TNS1: variants seen among roughly 807,000 people sequenced by gnomAD.
TNS1 encodes tensin 1.
Under a neutral mutation model 168.6 loss-of-function variants are expected in TNS1, and 62 were observed. The observed-to-expected ratio is 0.37, with a 90% CI of 0.30 to 0.45. The LOEUF is 0.45. Among genes scored for constraint, TNS1 ranks in the 20% least tolerant of loss-of-function variants. TNS1 has a pLI of 1.00. For synonymous variants in TNS1, 934 were observed against 933.2 expected, an observed-to-expected ratio of 1.00 and a Z score of -0.02; for missense variants, 2,240 against 2,339.4, an observed-to-expected ratio of 0.96 and a Z score of 0.88.
chr2:217,858,342 C>T (rs1346558752), intron 18 of TNS1: 6 of 186,760 alleles, frequency 3.2e-5, no homozygotes. Flanking sequence ...CACAGCCCCA[C>T]TCAGCCACAA....
intron 3 of TNS1, among the ~76,000 whole-genome samples, chr2:217,957,327 A>G (rs3791888): frequency 0.15 from 23,122 of 151,598 alleles, 2,473 homozygotes; most frequent in African/African-American, 0.29. Context: ...AAGGTGCCGC[A>G]CTCCTCCCAC....
At chr2:217,805,502 CA>C in intron 32 of TNS1, among the ~76,000 whole-genome samples, 1 of 121,708 alleles carries the variant, frequency 8.2e-6, no homozygotes, top group African/African-American at 3.2e-5. Context: ...ACACCACACA[CA>C]CCACCACACA....
In TNS1 at chr2:217,809,895, G is replaced by T; in HGVS notation, c.5201C>A (p.Pro1734His). Residue 1734 changes from proline (P) to histidine (H), a missense_variant, in exon 30 of 33, where the codon CCC becomes CAC. Physicochemically the swap from Pro to His is moderately conservative, Grantham distance 77. Transcript: ENST00000682258. ...GTGAACGATGGTGGCAGCTGGCGTGGGGTCTGCAGCCAACGTCTCAGATGT... is the reference window on the plus strand; with the variant it reads ...GTGAACGATGGTGGCAGCTGGCGTGTGGTCTGCAGCCAACGTCTCAGATGT... ...KATSETLAADPTPAATIVHFK... is the reference protein window; with the variant it reads ...KATSETLAADHTPAATIVHFK... 6.2e-7 allele frequency: 1 copy of T among 1,613,742 alleles called. No individual in the cohort carries two copies. Among genetic ancestry groups the T allele is most frequent in the Non-Finnish European group, 8.5e-7 (1 of 1,179,686 alleles).
At chr2:217,834,305 C>CCCTG (rs1221236836) in intron 21 of TNS1, among the ~76,000 whole-genome samples, 1 of 152,228 alleles carries the variant, frequency 6.6e-6, no homozygotes, top group East Asian at 1.9e-4. Context: ...ATAGCTTGAG[C>CCCTG]CAGGCCCAGC....
Position 217,835,116 on chromosome 2 carries a change from G to C in TNS1, c.3255C>G (p.Ser1085=). The change falls in exon 21 of 33, where the codon TCC becomes TCG. Residue 1085 remains serine (S), a synonymous_variant. Transcript: ENST00000682258. ...CCCCACTGGGTGGTGGGCTGCTCGG[G>C]GAGGTTCCCTCCATCTCCTCGAAGG... ...KEAFEEMEGT[S]PSSPPPSGVR... The C allele has an allele frequency of 6.3e-7, 1 of 1,589,890 alleles. No individual in the cohort carries two copies. The highest frequency in any genetic ancestry group is 8.5e-7 in the Non-Finnish European group (1 of 1,171,404).
At chr2:217,832,482 A>G (rs1314202036) in intron 21 of TNS1, among the ~76,000 whole-genome samples, 1 of 152,292 alleles carries the variant, frequency 6.6e-6, no homozygotes, top group East Asian at 1.9e-4. Flanking sequence ...TGTGTCTCCT[A>G]TCAACGACAT....
intron 18 of TNS1, among the ~76,000 whole-genome samples, chr2:217,853,712 CT>C (rs1441272114): frequency 2.0e-5 from 3 of 152,206 alleles, no homozygotes; most frequent in Non-Finnish European, 4.4e-5. Flanking sequence ...ACCCTCGATG[CT>C]GAGCTTGATT....
In TNS1 at chr2:217,836,081, AG is replaced by A; in HGVS notation, c.3137del (p.Pro1046LeufsTer65). The A allele has an allele frequency of 1.2e-6, 2 of 1,614,056 alleles. No individual in the cohort carries two copies. Among genetic ancestry groups the A allele is most frequent in the Non-Finnish European group, 1.7e-6 (2 of 1,179,964 alleles). ...TSPRSPGVRSPVQCVSPELAL... is the reference protein window; with the variant it reads ...TSPRSPGVRSXVQCVSPELAL... Reference sequence around the variant, plus strand: ...CCAGCTCCGGGGAGACACACTGGACAGGGGAGCGAACCCCAGGGCTACGAGG... The same window carrying A: ...CCAGCTCCGGGGAGACACACTGGACAGGGAGCGAACCCCAGGGCTACGAGG... On this transcript the variant is annotated frameshift_variant, in exon 20 of 33. Coordinates refer to ENST00000682258, the MANE Select transcript of TNS1 (RefSeq NM_001387777.1). LOFTEE classifies it high-confidence loss of function.
intron 1 of TNS1, among the ~76,000 whole-genome samples, chr2:218,031,053 CATATGTGTGAGT>C (rs1958888783): frequency 2.8e-5 from 4 of 145,314 alleles, no homozygotes; most frequent in Non-Finnish European, 3.0e-5. Flanking sequence ...AGCATGTGAG[CATATGTGTGAGT>C]GTATGTGTGT....
chr2:217,905,886 A>G (rs1953622494), intron 6 of TNS1, among the ~76,000 whole-genome samples: 1 of 152,182 alleles, frequency 6.6e-6, no homozygotes, highest in Non-Finnish European at 1.5e-5. Flanking sequence ...CTGAACCAAT[A>G]GCATCTAAGC....
At position 217,813,616 on chromosome 2, in the gene TNS1, C is replaced by T; in HGVS notation, c.4861+69G>A. 6.5e-7 allele frequency: 1 copy of T among 1,537,838 alleles called. No individual in the cohort carries two copies. Among genetic ancestry groups the T allele is most frequent in the Non-Finnish European group, 8.8e-7 (1 of 1,142,644 alleles). ...TCCTGCCCAGCACCCTGGGTCCCTC[C>T]AGCACCTCCAGGTTTAGCGACTGTA... On this transcript the variant is annotated intron_variant, in intron 26 of 32. Transcript: ENST00000682258. The surrounding 1 kb of genome is among the most constrained non-coding windows in gnomAD (Gnocchi z 4.0).
At chr2:217,899,620 G>A (rs1952714261) in intron 7 of TNS1, among the ~76,000 whole-genome samples, 3 of 152,216 alleles carry the variant, frequency 2.0e-5, no homozygotes, top group African/African-American at 7.2e-5. Flanking sequence ...GAGCAAGAGG[G>A]GCCGTGCTGG....
intron 18 of TNS1, among the ~76,000 whole-genome samples, chr2:217,879,755 TG>T (rs964096702): frequency 6.6e-6 from 1 of 151,862 alleles, no homozygotes; most frequent in African/African-American, 2.4e-5. Context: ...TCCAAAACCT[TG>T]GGGAGGGAGA....
At chr2:217,853,440 T>C (rs1367102258) in intron 18 of TNS1, among the ~76,000 whole-genome samples, 1 of 152,004 alleles carries the variant, frequency 6.6e-6, no homozygotes, top group African/African-American at 2.4e-5. Context: ...GTCTGCATGT[T>C]TGGGGGCTGT....
At chr2:217,955,905 C>G (rs1044225347) in intron 3 of TNS1, among the ~76,000 whole-genome samples, 12 of 152,184 alleles carry the variant, frequency 7.9e-5, no homozygotes, top group Non-Finnish European at 1.5e-4. Context: ...ACAGGGGACT[C>G]TCAGCACACA....
chr2:217,961,366 A>C (rs936561036), intron 3 of TNS1, among the ~76,000 whole-genome samples: 1 of 152,054 alleles, frequency 6.6e-6, no homozygotes, highest in African/African-American at 2.4e-5. Flanking sequence ...CAGATCAGAG[A>C]GAGGAACCAC....
chr2:217,835,205 G>A, intron 20 of TNS1, 39 bp from the exon 21 acceptor site: 1 of 1,576,080 alleles, frequency 6.3e-7, no homozygotes, highest in Non-Finnish European at 8.7e-7. Context: ...GGGAAACCAT[G>A]AGAAGGAGAG....
chr2:217,945,041 C>T (rs1035847182), intron 3 of TNS1, among the ~76,000 whole-genome samples: 2 of 152,172 alleles, frequency 1.3e-5, no homozygotes, highest in Non-Finnish European at 2.9e-5. Context: ...AGATCGTGAC[C>T]TCGGAGCACA....
chr2:217,804,260 C>G lies in TNS1; in HGVS notation c.*199G>C. ...CCAAGTTCTTCTCCTCCATCTTTCT[C>G]TCTCTCTCTCTCTCTCTCTCTCTCT... On this transcript the variant is annotated 3_prime_UTR_variant, in exon 33 of 33. Transcript: ENST00000682258. The G allele has an allele frequency of 2.6e-6, 1 of 384,470 alleles. No individual in the cohort carries two copies. Among genetic ancestry groups the G allele is most frequent in the Non-Finnish European group, 4.3e-6 (1 of 233,726 alleles). The allele number at this position is 384,470 out of a possible 1,614,324, so 23.8% of individuals were successfully genotyped here.
Sources: allele counts gnomAD v4.1 joint callset (sites outside exome capture counted in the v4.1 genomes callset), GRCh38; gene constraint gnomAD v4.1.1; non-coding constraint Gnocchi (gnomAD v3.1); transcripts MANE v1.5; gene names NCBI Gene and HGNC (gene_info 2026-07-23, HGNC 2026-07-21).